Variants in SBF2 observed in about 807,000 individuals in gnomAD.
The protein encoded by SBF2 is myotubularin-related protein 13.
A neutral mutation model predicts 225.2 loss-of-function variants in SBF2; 112 were observed. The ratio of observed to expected loss-of-function variants is 0.50; its 90% CI spans 0.43 to 0.58. The LOEUF (loss-of-function observed/expected upper bound fraction) is 0.58. SBF2 is among the 20% of genes least tolerant of loss of function. The pLI, the probability that SBF2 is intolerant of heterozygous loss-of-function variation, is 0.00. For missense variants in SBF2, 1,996 were observed against 2,206.2 expected, an observed-to-expected ratio of 0.90 and a Z score of 1.91; for synonymous variants, 763 against 773.3, an observed-to-expected ratio of 0.99 and a Z score of 0.22.
At chr11:10,128,188 A>G (rs1953852121) in intron 2 of SBF2, among the ~76,000 whole-genome samples, 1 of 152,196 alleles carries the variant, frequency 6.6e-6, no homozygotes, top group South Asian at 2.1e-4. Context: ...TAATACGATT[A>G]AACACACACT....
At chr11:9,790,525 A>C (rs746944692) in intron 34 of SBF2, 31 bp downstream of exon 34, 1 of 1,557,456 alleles carries the variant, frequency 6.4e-7, no homozygotes, top group South Asian at 1.2e-5. Flanking sequence ...AAAATTTCAG[A>C]AAGTGAAACA....
intron 16 of SBF2, among the ~76,000 whole-genome samples, chr11:9,912,912 T>C (rs1192792890): frequency 6.6e-6 from 1 of 152,188 alleles, no homozygotes; most frequent in African/African-American, 2.4e-5. Context: ...CCAGACTATA[T>C]AAAGAATTAC....
At chr11:9,896,999 T>C (rs1021266463) in intron 16 of SBF2, among the ~76,000 whole-genome samples, 14 of 152,130 alleles carry the variant, frequency 9.2e-5, no homozygotes, top group African/African-American at 3.4e-4. Context: ...TATATTACAG[T>C]TATTCTTCTT....
At chr11:9,830,725 G>A (rs796325757) in intron 27 of SBF2, among the ~76,000 whole-genome samples, 3 of 136,272 alleles carry the variant, frequency 2.2e-5, no homozygotes, top group African/African-American at 8.7e-5. Flanking sequence ...GAGCGACAGA[G>A]CAAGACTCCA....
intron 2 of SBF2, among the ~76,000 whole-genome samples, chr11:10,095,606 A>G (rs1443782816): frequency 6.6e-6 from 1 of 152,214 alleles, no homozygotes; most frequent in Non-Finnish European, 1.5e-5. Flanking sequence ...AAGAAAATCA[A>G]AGCACATGGT....
At chr11:10,102,880 A>G (rs1218187967) in intron 2 of SBF2, among the ~76,000 whole-genome samples, 1 of 152,206 alleles carries the variant, frequency 6.6e-6, no homozygotes, top group African/African-American at 2.4e-5. Context: ...TAAAAAGTGG[A>G]TGGATTTATA....
intron 17 of SBF2, among the ~76,000 whole-genome samples, chr11:9,864,487 A>G (rs1042881034): frequency 2.6e-5 from 4 of 152,156 alleles, no homozygotes; most frequent in Non-Finnish European, 5.9e-5. Context: ...CCTGGGCTCA[A>G]GCAATCCTCT....
intron 1 of SBF2, among the ~76,000 whole-genome samples, chr11:10,221,010 A>G (rs1002404670): frequency 4.6e-5 from 7 of 151,620 alleles, no homozygotes; most frequent in Non-Finnish European, 7.4e-5. Context: ...CTAAGCTTCT[A>G]TTCCTCTGTG....
chr11:9,858,195 A>T (rs1162081205), intron 18 of SBF2, 31 bp downstream of exon 18: 1 of 1,612,480 alleles, frequency 6.2e-7, no homozygotes, highest in African/African-American at 1.3e-5. Flanking sequence ...TCCTAATCCC[A>T]CACAATTAGA....
intron 13 of SBF2, among the ~76,000 whole-genome samples, chr11:9,976,054 C>A (rs1946664162): frequency 7.1e-6 from 1 of 141,284 alleles, no homozygotes; most frequent in African/African-American, 2.6e-5. Context: ...ATCTCATATT[C>A]TTCTTCTTCT....
At chr11:10,131,452 T>C (rs1351824085) in intron 2 of SBF2, among the ~76,000 whole-genome samples, 1 of 150,190 alleles carries the variant, frequency 6.7e-6, no homozygotes, top group Non-Finnish European at 1.5e-5. Flanking sequence ...TCTTTATATA[T>C]TCTCTTGTTT....
chr11:9,984,185 A>T (rs1325338251), intron 13 of SBF2, among the ~76,000 whole-genome samples: 1 of 152,236 alleles, frequency 6.6e-6, no homozygotes, highest in Non-Finnish European at 1.5e-5. Flanking sequence ...AAAATGATAC[A>T]AGAAGTGAAT....
At chr11:9,804,231 A>C (rs1476275808) in intron 32 of SBF2, among the ~76,000 whole-genome samples, 1 of 152,196 alleles carries the variant, frequency 6.6e-6, no homozygotes, top group East Asian at 1.9e-4. Flanking sequence ...CATGGAAAAA[A>C]CGAAAAGCCT....
At chr11:9,830,921 G>A (rs908589742) in intron 27 of SBF2, among the ~76,000 whole-genome samples, 2 of 152,250 alleles carry the variant, frequency 1.3e-5, no homozygotes, top group African/African-American at 4.8e-5. Flanking sequence ...TAAAAGCTTA[G>A]TGATACGCTT....
intron 6 of SBF2, among the ~76,000 whole-genome samples, chr11:10,003,116 T>C (rs556338807): frequency 2.0e-4 from 31 of 152,326 alleles, no homozygotes; most frequent in Non-Finnish European, 3.8e-4. Context: ...TTTCTCTACT[T>C]CTTGTAAACA....
intron 14 of SBF2, among the ~76,000 whole-genome samples, chr11:9,967,967 CTCTCTATATATATATA>C (rs1206486046): frequency 0.015 from 1,330 of 90,658 alleles, 27 homozygotes; most frequent in African/African-American, 0.045. Flanking sequence ...CTCTCTCTCT[CTCTCTATATATATATA>C]TATATATAAA....
chr11:9,866,298 G>A (rs535596708), intron 17 of SBF2, among the ~76,000 whole-genome samples: 11 of 152,096 alleles, frequency 7.2e-5, no homozygotes, highest in African/African-American at 2.7e-4. Context: ...AAACAAAGCT[G>A]GAAGCATCAC....
At chr11:10,138,295 A>C (rs1374305557) in intron 2 of SBF2, among the ~76,000 whole-genome samples, 1 of 152,150 alleles carries the variant, frequency 6.6e-6, no homozygotes, top group Non-Finnish European at 1.5e-5. Context: ...GCAGTTTCTC[A>C]TTAACTCGTT....
intron 2 of SBF2, among the ~76,000 whole-genome samples, chr11:10,106,150 C>T (rs1011899891): frequency 3.9e-5 from 6 of 152,042 alleles, no homozygotes; most frequent in Non-Finnish European, 8.8e-5. Context: ...GAACATAGTA[C>T]CCAATAGGTA....
Sources: gnomAD v4.1 joint callset for allele counts (sites outside exome capture counted in the v4.1 genomes callset) on GRCh38, gnomAD v4.1.1 for gene constraint, MANE v1.5 for transcripts, NCBI Gene and HGNC (gene_info 2026-07-23, HGNC 2026-07-21) for gene names.